ANKRD31: variants seen among roughly 807,000 people sequenced by gnomAD.
ANKRD31 encodes ankyrin repeat domain-containing protein 31.
ANKRD31 carries 147 observed loss-of-function variants against 186.0 expected under a neutral mutation model. That is an observed-to-expected ratio of 0.79 (90% CI 0.69 to 0.91). The LOEUF is 0.91. ANKRD31 is among the 40% of genes least tolerant of loss of function. The pLI is 0.00. For synonymous variants in ANKRD31, 673 were observed against 736.4 expected, an observed-to-expected ratio of 0.91 and a Z score of 1.39; for missense variants, 1,986 against 2,148.8, an observed-to-expected ratio of 0.92 and a Z score of 1.50.
Position 75,120,451 on chromosome 5 carries a change from T to G in ANKRD31, c.3877-2154A>C, listed in dbSNP as rs1488443425. Among the ~76,000 whole-genome samples the G allele has an allele frequency of 2.0e-5, 3 of 152,162 alleles. No individual in the cohort carries two copies. The East Asian group carries it at 5.8e-4, about 29-fold the overall frequency. ...AAGAGGCAAGCAAGTAACTCACCACTGAAAAACTTTCTAGTTAGGAAAAGA... is the reference window on the plus strand; with the variant it reads ...AAGAGGCAAGCAAGTAACTCACCACGGAAAAACTTTCTAGTTAGGAAAAGA... On this transcript the variant is annotated intron_variant, in intron 17 of 25. Transcript: ENST00000506364.
Position 75,147,108 on chromosome 5 carries a change from T to C in ANKRD31, c.2303A>G (p.His768Arg), listed in dbSNP as rs1294679589. The C allele has an allele frequency of 1.4e-5, 21 of 1,536,402 alleles. No homozygotes were observed. The highest frequency in any genetic ancestry group is 2.4e-5 in the East Asian group (1 of 40,878). ...RINRLVTYQQHIPETHNDLPE... is the reference protein window; with the variant it reads ...RINRLVTYQQRIPETHNDLPE... ...AAGGTCATTATGAGTTTCTGGAATA[T>C]GCTGCTGATAGGTAACCAATCTGTT... The change falls in exon 14 of 26, where the codon CAT becomes CGT. Residue 768 changes from histidine to arginine, a missense_variant. Transcript: ENST00000506364.
intron 15 of ANKRD31, among the ~76,000 whole-genome samples, chr5:75,143,190 C>T (rs1357507158): frequency 6.6e-6 from 1 of 152,050 alleles, no homozygotes; most frequent in Non-Finnish European, 1.5e-5. Flanking sequence ...CTGTGTTTGT[C>T]TCATAAGGAC....
intron 15 of ANKRD31, among the ~76,000 whole-genome samples, chr5:75,142,975 A>G (rs1276660661): frequency 6.6e-6 from 1 of 152,214 alleles, no homozygotes; most frequent in Non-Finnish European, 1.5e-5. Flanking sequence ...TTAAAACAAC[A>G]GAATGTATTC....
chr5:75,075,076 A>C (rs1744524841), intron 25 of ANKRD31, among the ~76,000 whole-genome samples: 1 of 152,240 alleles, frequency 6.6e-6, no homozygotes, highest in Non-Finnish European at 1.5e-5. Context: ...ATGTATTATG[A>C]GTTCTATTAT....
intron 9 of ANKRD31, among the ~76,000 whole-genome samples, 166 bp from the exon 10 acceptor site, chr5:75,188,814 T>A (rs1754910579): frequency 1.3e-5 from 2 of 152,288 alleles, no homozygotes; most frequent in South Asian, 4.1e-4. Context: ...ATTCATCCAT[T>A]AACCCAACTA....
intron 15 of ANKRD31, among the ~76,000 whole-genome samples, chr5:75,139,258 A>G (rs1750829732): frequency 6.6e-6 from 1 of 152,010 alleles, no homozygotes; most frequent in Admixed American, 6.6e-5. Flanking sequence ...ATCTATACTC[A>G]TCTAATTCTC....
At chr5:75,232,957 C>T (rs953749129) in intron 1 of ANKRD31, among the ~76,000 whole-genome samples, 2 of 152,158 alleles carry the variant, frequency 1.3e-5, no homozygotes, top group Non-Finnish European at 2.9e-5. Flanking sequence ...TCTTGTCTTC[C>T]TTTAGCCTCC....
intron 17 of ANKRD31, among the ~76,000 whole-genome samples, chr5:75,123,618 G>C (rs1748969002): frequency 6.6e-6 from 1 of 151,962 alleles, no homozygotes; most frequent in Non-Finnish European, 1.5e-5. Context: ...AAGAATAAAA[G>C]AATAGAGAAC....
At chr5:75,120,827 T>C (rs1183029898) in intron 17 of ANKRD31, among the ~76,000 whole-genome samples, 1 of 152,144 alleles carries the variant, frequency 6.6e-6, no homozygotes, top group Non-Finnish European at 1.5e-5. Flanking sequence ...ATAGGCAGAA[T>C]GGATTTTTAA....
At chr5:75,233,858 C>G (rs1023220470) in intron 1 of ANKRD31, among the ~76,000 whole-genome samples, 3 of 151,788 alleles carry the variant, frequency 2.0e-5, no homozygotes, top group Admixed American at 6.6e-5. Flanking sequence ...TGGAAGCTGC[C>G]GTGAGCTGAG....
chr5:75,198,755 G>A (rs1439429695), intron 6 of ANKRD31, among the ~76,000 whole-genome samples: 1 of 152,166 alleles, frequency 6.6e-6, no homozygotes, highest in Non-Finnish European at 1.5e-5. Context: ...TGAAAGAATG[G>A]AGGAACACAC....
intron 23 of ANKRD31, among the ~76,000 whole-genome samples, chr5:75,086,358 C>G (rs1032705150): frequency 6.6e-6 from 1 of 152,116 alleles, no homozygotes; most frequent in African/African-American, 2.4e-5. Context: ...GACACTAGAT[C>G]ACTTCTAGAA....
At chr5:75,214,974 TC>T (rs1756875644) in intron 3 of ANKRD31, among the ~76,000 whole-genome samples, 1 of 152,136 alleles carries the variant, frequency 6.6e-6, no homozygotes, top group Non-Finnish European at 1.5e-5. Context: ...AGGAATTGGC[TC>T]CCACAATTAT....
chr5:75,210,606 C>T (rs1454871318), intron 4 of ANKRD31, among the ~76,000 whole-genome samples: 1 of 152,120 alleles, frequency 6.6e-6, no homozygotes. Flanking sequence ...TTTAAATTCG[C>T]TTTTAAAATA....
Position 75,105,136 on chromosome 5 carries a change from CA to C in ANKRD31, c.4422del (p.Val1475TrpfsTer8). ...CTTATTTTTTTCTGTTTTTTTGCCA[CA>C]ACTAAAAGGCTCTTCTGTCTTGCAG... Reference protein sequence around the residue: ...NLAARQKSLLVVAKKQKKISL... With the variant: ...NLAARQKSLLXVAKKQKKISL... On this transcript the variant is annotated frameshift_variant, in exon 22 of 26. Coordinates refer to ENST00000506364, the MANE Select transcript of ANKRD31 (RefSeq NM_001372053.1). LOFTEE classifies it high-confidence loss of function. 6.5e-7 allele frequency: 1 copy of C among 1,536,942 alleles called. No homozygotes were observed. The highest frequency in any genetic ancestry group is 8.7e-7 in the Non-Finnish European group (1 of 1,146,816).
chr5:75,163,808 G>A (rs1382894973), intron 11 of ANKRD31, among the ~76,000 whole-genome samples: 1 of 152,128 alleles, frequency 6.6e-6, no homozygotes. Flanking sequence ...TCCTTAAGGG[G>A]CCTACTGTTT....
chr5:75,135,765 T>C (rs961517230), intron 17 of ANKRD31, among the ~76,000 whole-genome samples: 2 of 152,178 alleles, frequency 1.3e-5, no homozygotes, highest in East Asian at 3.9e-4. Context: ...GCCTTCAAAC[T>C]ATACAACAAG....
chr5:75,177,585 T>C (rs1264492655), intron 10 of ANKRD31, among the ~76,000 whole-genome samples: 1 of 152,108 alleles, frequency 6.6e-6, no homozygotes, highest in African/African-American at 2.4e-5. Context: ...TATTCAACAT[T>C]CTTAAAGAAA....
intron 24 of ANKRD31, among the ~76,000 whole-genome samples, chr5:75,083,947 T>C (rs1745286502): frequency 1.3e-5 from 2 of 152,194 alleles, no homozygotes; most frequent in African/African-American, 4.8e-5. Flanking sequence ...ATATGATATA[T>C]TCAGAATAAG....
Sources: allele counts gnomAD v4.1 joint callset (sites outside exome capture counted in the v4.1 genomes callset), GRCh38; gene constraint gnomAD v4.1.1; transcripts MANE v1.5; gene names NCBI Gene and HGNC (gene_info 2026-07-23, HGNC 2026-07-21).